The following PEX5L variants were observed in gnomAD, a reference collection of about 807,000 sequenced individuals.
PEX5L encodes PEX5-related protein.
In PEX5L, 30 loss-of-function variants were observed where a neutral mutation model predicts 84.0. That is an observed-to-expected ratio of 0.36 (90% CI 0.27 to 0.48). The LOEUF (loss-of-function observed/expected upper bound fraction) is 0.48, where lower values mean the gene tolerates loss of function less well. Ranked by LOEUF, PEX5L falls within the 20% of genes least tolerant of loss-of-function variation. PEX5L has a pLI of 0.99. For synonymous variants in PEX5L, 270 were observed against 283.1 expected (o/e 0.95, Z 0.46); for missense variants, 533 against 754.6 (o/e 0.71, Z 3.44).
At chr3:179,990,278 C>G (rs957730313) in intron 1 of PEX5L, among the ~76,000 whole-genome samples, 2 of 152,188 alleles carry the variant, frequency 1.3e-5, no homozygotes, top group Non-Finnish European at 2.9e-5. Context: ...GTACTTTAAT[C>G]ATTTGCACTA....
At chr3:179,899,028 G>A (rs1760322052) in intron 2 of PEX5L, among the ~76,000 whole-genome samples, 1 of 151,842 alleles carries the variant, frequency 6.6e-6, no homozygotes. Flanking sequence ...AGATACAAAT[G>A]TATATGTATA....
chr3:179,941,905 C>T (rs1411358501), intron 2 of PEX5L, among the ~76,000 whole-genome samples: 1 of 150,190 alleles, frequency 6.7e-6, no homozygotes, highest in East Asian at 2.0e-4. Context: ...CCTGTAATCC[C>T]AGCTACTTGG....
chr3:179,958,025 C>T (rs1205927430), intron 2 of PEX5L, among the ~76,000 whole-genome samples: 2 of 152,156 alleles, frequency 1.3e-5, no homozygotes, highest in Non-Finnish European at 2.9e-5. Context: ...CTCTCTCCCT[C>T]TCACACACAT....
chr3:179,855,066 G>A (rs1232696326), intron 8 of PEX5L, among the ~76,000 whole-genome samples: 1 of 151,996 alleles, frequency 6.6e-6, no homozygotes, highest in Admixed American at 6.6e-5. Flanking sequence ...AGAGAAGGTG[G>A]GGACAGTGGG....
intron 1 of PEX5L, among the ~76,000 whole-genome samples, chr3:180,012,012 T>C (rs1036083386): frequency 6.6e-6 from 1 of 152,192 alleles, no homozygotes; most frequent in African/African-American, 2.4e-5. Flanking sequence ...GAAAACAATC[T>C]TGCCCCTTAA....
chr3:179,941,919 G>A (rs1380090712), intron 2 of PEX5L, among the ~76,000 whole-genome samples: 1 of 150,658 alleles, frequency 6.6e-6, no homozygotes, highest in East Asian at 2.0e-4. Context: ...TACTTGGGAG[G>A]CTGAGGCAGG....
At chr3:179,943,110 GTTA>G (rs1379942616) in intron 2 of PEX5L, among the ~76,000 whole-genome samples, 1 of 152,164 alleles carries the variant, frequency 6.6e-6, no homozygotes, top group Admixed American at 6.5e-5. Flanking sequence ...TATTATTGTT[GTTA>G]TTATTATTTT....
intron 2 of PEX5L, among the ~76,000 whole-genome samples, chr3:179,905,544 C>A (rs1436973316): frequency 6.6e-6 from 1 of 152,154 alleles, no homozygotes; most frequent in Non-Finnish European, 1.5e-5. Flanking sequence ...CAGGCGTGAG[C>A]CACCGCGCCC....
At position 179,940,246 on chromosome 3, in the gene PEX5L, G is replaced by A. The variant is rs187696481; in HGVS notation, c.93+31348C>T. ...GGATGAGGAAGGGGTGGATGAGAAT[G>A]AAGCTTGGAGGAGAGGAATGGGTAA... On this transcript the variant is annotated intron_variant, in intron 2 of 14. Transcript: ENST00000467460. Among the ~76,000 whole-genome samples the A allele has an allele frequency of 8.5e-5, 13 of 152,146 alleles. No homozygotes were observed. The East Asian group carries it at 2.1e-3, about 25-fold the overall frequency.
intron 3 of PEX5L, among the ~76,000 whole-genome samples, chr3:179,892,909 CA>C (rs1449210445): frequency 6.6e-6 from 1 of 152,172 alleles, no homozygotes; most frequent in African/African-American, 2.4e-5. Flanking sequence ...AGCAACACTT[CA>C]TCACAATCCT....
chr3:179,941,499 G>A (rs1398926462), intron 2 of PEX5L, among the ~76,000 whole-genome samples: 1 of 152,162 alleles, frequency 6.6e-6, no homozygotes, highest in Non-Finnish European at 1.5e-5. Flanking sequence ...TTATCAGGTT[G>A]GTGGCATTTC....
intron 2 of PEX5L, among the ~76,000 whole-genome samples, chr3:179,934,310 T>C (rs373623867): frequency 1.7e-4 from 26 of 152,364 alleles, no homozygotes; most frequent in African/African-American, 5.5e-4. Flanking sequence ...AAAGATTATG[T>C]GTACTGAACC....
intron 2 of PEX5L, among the ~76,000 whole-genome samples, chr3:179,930,424 T>C (rs1350199287): frequency 1.3e-5 from 2 of 152,216 alleles, no homozygotes; most frequent in African/African-American, 2.4e-5. Flanking sequence ...GTCTGGCTTC[T>C]GCAGTGCTAG....
intron 8 of PEX5L, among the ~76,000 whole-genome samples, chr3:179,852,753 T>G (rs917497559): frequency 2.0e-5 from 3 of 152,190 alleles, no homozygotes; most frequent in Admixed American, 6.5e-5. Flanking sequence ...TTAAAAAAAT[T>G]TGCTCATAAG....
chr3:179,832,812 C>CTACT (rs1180783703), intron 8 of PEX5L, among the ~76,000 whole-genome samples: 1 of 151,768 alleles, frequency 6.6e-6, no homozygotes, highest in Non-Finnish European at 1.5e-5. Flanking sequence ...ACCCACAAAC[C>CTACT]TACTTACTTA....
chr3:179,931,857 A>G (rs1437470164), intron 2 of PEX5L, among the ~76,000 whole-genome samples: 2 of 152,190 alleles, frequency 1.3e-5, no homozygotes, highest in South Asian at 2.1e-4. Flanking sequence ...ATTTTTGTCT[A>G]TCAGATTGGC....
chr3:179,849,386 T>C (rs2108433130), intron 8 of PEX5L, among the ~76,000 whole-genome samples: 1 of 152,342 alleles, frequency 6.6e-6, no homozygotes, highest in South Asian at 2.1e-4. Flanking sequence ...TGTTCATCTG[T>C]TTTCCATCTG....
chr3:180,001,132 G>C (rs1438531801), intron 1 of PEX5L, among the ~76,000 whole-genome samples: 1 of 152,024 alleles, frequency 6.6e-6, no homozygotes, highest in Non-Finnish European at 1.5e-5. Flanking sequence ...AATGTGAAAA[G>C]ACTAGACTGG....
chr3:180,031,649 T>A (rs908993333), intron 1 of PEX5L, among the ~76,000 whole-genome samples: 1 of 152,200 alleles, frequency 6.6e-6, no homozygotes, highest in East Asian at 1.9e-4. Flanking sequence ...ACACTGGTTA[T>A]CCTATAAATG....
Sources: allele counts gnomAD v4.1 joint callset (sites outside exome capture counted in the v4.1 genomes callset), GRCh38; gene constraint gnomAD v4.1.1; transcripts MANE v1.5; gene names NCBI Gene and HGNC (gene_info 2026-07-23, HGNC 2026-07-21).